Variants in PRCP observed in about 807,000 individuals in gnomAD.
PRCP encodes the protein lysosomal Pro-X carboxypeptidase.
A neutral mutation model predicts 54.2 loss-of-function variants in PRCP; 46 were observed. The observed-to-expected ratio is 0.85, with a 90% CI of 0.67 to 1.09. The LOEUF is 1.09. Among genes scored for constraint, PRCP ranks in the 50% least tolerant of loss-of-function variants. The pLI, the probability that PRCP is intolerant of heterozygous loss-of-function variation, is 0.00. For synonymous variants in PRCP, 240 were observed against 212.2 expected (o/e 1.13, Z -1.14); for missense variants, 613 against 596.8 (o/e 1.03, Z -0.28).
chr11:82,871,784 A>G (rs1252724632), intron 1 of PRCP, among the ~76,000 whole-genome samples: 3 of 152,184 alleles, frequency 2.0e-5, no homozygotes, highest in Non-Finnish European at 4.4e-5. Flanking sequence ...ATATAACACT[A>G]TATTCTAAAG....
intron 8 of PRCP, chr11:82,827,399 T>C (rs1858263052): frequency 2.0e-5 from 3 of 152,232 alleles, no homozygotes; most frequent in African/African-American, 4.8e-5. Context: ...TTAGCTCTTA[T>C]ATTTAAGCCT....
chr11:82,856,131 C>T (rs1859077209), intron 2 of PRCP, among the ~76,000 whole-genome samples: 1 of 152,020 alleles, frequency 6.6e-6, no homozygotes, highest in South Asian at 2.1e-4. Context: ...CATAGTGAAA[C>T]CCTTTTCTCT....
intron 1 of PRCP, among the ~76,000 whole-genome samples, chr11:82,889,838 G>C (rs1028835407): frequency 3.5e-4 from 53 of 152,196 alleles, no homozygotes; most frequent in African/African-American, 1.1e-3. Flanking sequence ...AAGAGTCGCA[G>C]TTTCTGAAAA....
chr11:82,870,050 C>T (rs1172711303), intron 1 of PRCP, among the ~76,000 whole-genome samples: 1 of 152,200 alleles, frequency 6.6e-6, no homozygotes, highest in African/African-American at 2.4e-5. Flanking sequence ...TTTACCAAAG[C>T]ATATTACCTA....
intron 2 of PRCP, among the ~76,000 whole-genome samples, chr11:82,857,916 A>G (rs1356596567): frequency 6.6e-6 from 1 of 152,072 alleles, no homozygotes; most frequent in Non-Finnish European, 1.5e-5. Flanking sequence ...CCCCCTTCTC[A>G]ACACCACTGT....
Position 82,850,047 on chromosome 11 carries a change from G to C in PRCP, c.618C>G (p.Ile206Met). 1.4e-6 allele frequency: 2 copies of C among 1,437,578 alleles called. No homozygotes were observed. The highest frequency in any genetic ancestry group is 1.8e-6 in the Non-Finnish European group (2 of 1,089,700). The allele number at this position is 1,437,578 out of a possible 1,614,324, so 89.1% of individuals were successfully genotyped here. A position where few individuals can be genotyped will look rare whatever the true frequency, so the allele number is the denominator to read the frequency against. ...AAGGTACTAAATCCTCAAACTGCCA[G>C]ATAGGGGCAGAAGCTGCAAGAGCTC... ...VVGALAASAP[I>M]WQFEDLVPCG... is the part of the protein sequence containing the mutation. The change falls in exon 5 of 9, where the codon ATC becomes ATG. Residue 206 changes from isoleucine (I) to methionine (M), a missense_variant. Coordinates refer to ENST00000313010, the MANE Select transcript of PRCP (RefSeq NM_005040.4).
chr11:82,833,550 C>A (rs1020267458), intron 8 of PRCP, among the ~76,000 whole-genome samples: 1 of 152,146 alleles, frequency 6.6e-6, no homozygotes, highest in Non-Finnish European at 1.5e-5. Flanking sequence ...CCTCCAGGAT[C>A]TAGAGCCATT....
intron 1 of PRCP, among the ~76,000 whole-genome samples, chr11:82,874,649 C>T (rs1216931239): frequency 6.7e-6 from 1 of 149,166 alleles, no homozygotes; most frequent in Non-Finnish European, 1.5e-5. Context: ...TGTGATCACA[C>T]CACTGGACTC....
At position 82,824,957 on chromosome 11, in the gene PRCP, A is replaced by C. The variant is rs776179781; in HGVS notation, c.1440T>G (p.His480Gln). ...VLLARSLEVR[H>Q]MKNWIRDFYD... ...AGAAATCTCTGATCCAATTCTTCATATGTCTAACTTCCAAGGAGCGGGCTA... is the reference window on the plus strand; with the variant it reads ...AGAAATCTCTGATCCAATTCTTCATCTGTCTAACTTCCAAGGAGCGGGCTA... The change falls in exon 9 of 9, where the codon CAT becomes CAG. Residue 480 changes from histidine to glutamine, a missense_variant. Transcript: ENST00000313010. 6.2e-7 allele frequency: 1 copy of C among 1,614,128 alleles called. No individual in the cohort carries two copies. Among genetic ancestry groups the C allele is most frequent in the Admixed American group, 1.7e-5 (1 of 60,014 alleles).
At chr11:82,862,256 C>T (rs7948231) in intron 1 of PRCP, among the ~76,000 whole-genome samples, 55,827 of 151,944 alleles carry the variant, frequency 0.37, 10,730 homozygotes, top group African/African-American at 0.47. Context: ...TTTGAGATTT[C>T]TTTTTACCCT....
intron 1 of PRCP, among the ~76,000 whole-genome samples, chr11:82,870,300 A>G (rs899921099): frequency 3.5e-4 from 53 of 152,342 alleles, no homozygotes; most frequent in African/African-American, 1.3e-3. Context: ...AGTTTTAAGA[A>G]GGAAGAAACA....
intron 1 of PRCP, among the ~76,000 whole-genome samples, chr11:82,862,241 A>G (rs1859223389): frequency 1.3e-5 from 2 of 152,174 alleles, no homozygotes; most frequent in South Asian, 4.1e-4. Flanking sequence ...AATTTTAAAT[A>G]TATTTTTGAG....
At chr11:82,898,449 A>G (rs1164994137) in intron 1 of PRCP, among the ~76,000 whole-genome samples, 1 of 152,184 alleles carries the variant, frequency 6.6e-6, no homozygotes, top group African/African-American at 2.4e-5. Context: ...CATCAATCCC[A>G]ATGGGATTTT....
intron 1 of PRCP, among the ~76,000 whole-genome samples, chr11:82,889,773 T>C (rs910766801): frequency 5.9e-5 from 9 of 152,188 alleles, no homozygotes; most frequent in African/African-American, 2.2e-4. Context: ...GTTAGGGCCA[T>C]AGATTGAAAG....
chr11:82,855,414 C>T (rs1859061065), intron 2 of PRCP, among the ~76,000 whole-genome samples: 1 of 151,914 alleles, frequency 6.6e-6, no homozygotes, highest in African/African-American at 2.4e-5. Flanking sequence ...GTCAGGAGAT[C>T]GAGACCATCC....
At chr11:82,878,273 G>A (rs1375659166) in intron 1 of PRCP, among the ~76,000 whole-genome samples, 1 of 152,172 alleles carries the variant, frequency 6.6e-6, no homozygotes, top group East Asian at 1.9e-4. Context: ...TTTGGACTGT[G>A]GACTTTTGGG....
At chr11:82,893,546 C>T (rs1255484442) in intron 1 of PRCP, among the ~76,000 whole-genome samples, 1 of 152,150 alleles carries the variant, frequency 6.6e-6, no homozygotes, top group Non-Finnish European at 1.5e-5. Flanking sequence ...AATCCTAGCA[C>T]TTTGGGAGAC....
At chr11:82,885,943 C>G (rs969542205) in intron 1 of PRCP, among the ~76,000 whole-genome samples, 1 of 152,112 alleles carries the variant, frequency 6.6e-6, no homozygotes, top group Admixed American at 6.5e-5. Flanking sequence ...TTCCTTTATT[C>G]CCTTGGATAG....
intron 8 of PRCP, chr11:82,825,561 G>A (rs1288570760): frequency 6.2e-6 from 1 of 161,996 alleles, no homozygotes; most frequent in Admixed American, 6.1e-5. Context: ...TTAAGCCCAG[G>A]AGTTCAAAAC....
Sources: gnomAD v4.1 joint callset for allele counts (sites outside exome capture counted in the v4.1 genomes callset) on GRCh38, gnomAD v4.1.1 for gene constraint, MANE v1.5 for transcripts, NCBI Gene and HGNC (gene_info 2026-07-23, HGNC 2026-07-21) for gene names.